Variants in ANXA11 observed in about 807,000 individuals in gnomAD.
ANXA11 encodes the protein 56 kDa autoantigen.
A neutral mutation model predicts 64.7 loss-of-function variants in ANXA11; 57 were observed. That is an observed-to-expected ratio of 0.88 (90% CI 0.71 to 1.10). The LOEUF is 1.10. Ranked by LOEUF, ANXA11 falls within the 50% of genes least tolerant of loss-of-function variation. ANXA11 has a pLI of 0.00. For synonymous variants in ANXA11, 260 were observed against 265.2 expected, an observed-to-expected ratio of 0.98 and a Z score of 0.19; for missense variants, 675 against 670.7, an observed-to-expected ratio of 1.01 and a Z score of -0.07.
At chr10:80,182,400 C>G (rs1016349720) in intron 1 of ANXA11, among the ~76,000 whole-genome samples, 1 of 152,118 alleles carries the variant, frequency 6.6e-6, no homozygotes, top group Non-Finnish European at 1.5e-5. Flanking sequence ...TATCCTTGTA[C>G]ACAAAGGTCA....
At chr10:80,168,512 CTTTG>C (rs923141984) in intron 5 of ANXA11, among the ~76,000 whole-genome samples, 8 of 152,060 alleles carry the variant, frequency 5.3e-5, no homozygotes, top group Non-Finnish European at 7.4e-5. Flanking sequence ...AGGTGACGCT[CTTTG>C]TTTGTCTTTT....
intron 9 of ANXA11, among the ~76,000 whole-genome samples, chr10:80,163,827 T>A (rs1845618553): frequency 1.3e-5 from 2 of 152,254 alleles, no homozygotes; most frequent in South Asian, 4.1e-4. Context: ...CCAAACCACA[T>A]CCAGGTTTTC....
At chr10:80,166,265 G>T in intron 7 of ANXA11, 68 bp from the exon 8 acceptor site, 2 of 956,026 alleles carry the variant, frequency 2.1e-6, no homozygotes, top group Non-Finnish European at 3.2e-6. Context: ...TCCACAGGAA[G>T]TGACTAATAA....
At chr10:80,168,259 G>A (rs1039361849) in intron 5 of ANXA11, among the ~76,000 whole-genome samples, 2 of 146,352 alleles carry the variant, frequency 1.4e-5, no homozygotes, top group African/African-American at 2.5e-5. Flanking sequence ...TGCCGGGGGG[G>A]GCGGGGGTGG....
intron 1 of ANXA11, chr10:80,181,202 G>A (rs190047841): frequency 6.6e-6 from 1 of 152,330 alleles, no homozygotes; most frequent in Non-Finnish European, 1.5e-5. Flanking sequence ...TATAATCCCA[G>A]CACTTTGGGA....
intron 5 of ANXA11, among the ~76,000 whole-genome samples, chr10:80,168,390 C>T (rs1014616010): frequency 7.2e-5 from 11 of 152,112 alleles, no homozygotes; most frequent in African/African-American, 2.7e-4. Flanking sequence ...GGAGTACTCG[C>T]CAGGGGTGTT....
chr10:80,194,301 C>T (rs1846895225), intron 1 of ANXA11, among the ~76,000 whole-genome samples: 1 of 152,162 alleles, frequency 6.6e-6, no homozygotes, highest in Non-Finnish European at 1.5e-5. Flanking sequence ...CACTAGGGTG[C>T]TACAAGTCCG....
At chr10:80,194,945 G>A (rs1017768293) in intron 1 of ANXA11, among the ~76,000 whole-genome samples, 12 of 152,212 alleles carry the variant, frequency 7.9e-5, no homozygotes, top group Admixed American at 1.3e-4. Flanking sequence ...GTGATCACAG[G>A]AGTAGAGGTT....
rs1455615741 is a variant in ANXA11 at position 80,161,985 on chromosome 10, G to T, written c.1130C>A (p.Ser377Tyr). 2 of 1,612,586 alleles carry T rather than the reference G, an allele frequency of 1.2e-6. No individual in the cohort carries two copies. The highest frequency in any genetic ancestry group is 1.7e-6 in the Non-Finnish European group (2 of 1,179,920). Residue 377 changes from serine to tyrosine, a missense_variant, in exon 12 of 16, where the codon TCC becomes TAC. Coordinates refer to ENST00000422982, the MANE Select transcript of ANXA11 (RefSeq NM_145868.2). The part of the protein sequence containing the change: ...AGENRLGTDE[S>Y]KFNAVLCSRS... ...GGAGCACAGAACCGCATTGAACTTG[G>T]ACTCGTCTGTTCCCAGGCGGTTCTC...
intron 8 of ANXA11, among the ~76,000 whole-genome samples, chr10:80,165,146 G>A (rs1845672827): frequency 6.6e-6 from 1 of 152,200 alleles, no homozygotes; most frequent in South Asian, 2.1e-4. Context: ...CTGCCTGATG[G>A]CCTCCTGACC....
chr10:80,172,917 G>C (rs1241542717), intron 2 of ANXA11, 48 bp from the exon 3 acceptor site: 5 of 1,572,702 alleles, frequency 3.2e-6, no homozygotes, highest in Non-Finnish European at 4.4e-6. Context: ...GAGAGCCCCT[G>C]CTGGCCCGTG....
intron 1 of ANXA11, among the ~76,000 whole-genome samples, chr10:80,192,795 AC>A (rs1185522928): frequency 6.6e-6 from 1 of 152,226 alleles, no homozygotes; most frequent in East Asian, 1.9e-4. Context: ...ATTATCCACT[AC>A]TGGATAGAGA....
intron 7 of ANXA11, chr10:80,166,400 G>T: frequency 1.8e-6 from 1 of 546,194 alleles, no homozygotes; most frequent in Non-Finnish European, 3.3e-6. Context: ...AGATGCCCAG[G>T]GGATCGGTGA....
chr10:80,166,582 C>A, intron 7 of ANXA11: 4 of 470,370 alleles, frequency 8.5e-6, no homozygotes, highest in Non-Finnish European at 1.1e-5. Context: ...ATCAGCTAAA[C>A]CCCCCAGGGT....
At position 80,162,015 on chromosome 10, in the gene ANXA11, G is replaced by A. The variant is rs747556311; in HGVS notation, c.1100C>T (p.Ala367Val). 2.2e-5 allele frequency: 36 copies of A among 1,611,040 alleles called. No homozygotes were observed. The East Asian group carries it at 7.6e-4, about 34-fold the overall frequency. Residue 367 changes from alanine to valine, a missense_variant, in exon 12 of 16, where the codon GCC (alanine) becomes GTC (valine). By Grantham distance (64) the Ala-to-Val change is moderately conservative (BLOSUM62 0). Coordinates refer to ENST00000422982, the MANE Select transcript of ANXA11 (RefSeq NM_145868.2). ...GTCTGTTCCCAGGCGGTTCTCCCCG[G>A]CCGCATACAGCTCCTGGAGAGAGAG... is the stretch of plus-strand genomic sequence containing the variant. ...AQRDAQELYA[A>V]GENRLGTDES...
At chr10:80,177,750 G>A (rs1051340230) in intron 1 of ANXA11, among the ~76,000 whole-genome samples, 3 of 152,152 alleles carry the variant, frequency 2.0e-5, no homozygotes, top group Admixed American at 6.5e-5. Flanking sequence ...ATGCCCAAGT[G>A]AGGGTTCTAG....
rs940194376 is a variant in ANXA11 at position 80,186,236 on chromosome 10, A to T, written c.-57-10081T>A. Reference sequence around the variant, plus strand: ...CTGTTTCTCCAAAACAAAATAAGAAAGAGAGGACCCTGGGCTATTTGATAA... The same window carrying T: ...CTGTTTCTCCAAAACAAAATAAGAATGAGAGGACCCTGGGCTATTTGATAA... On this transcript the variant is annotated intron_variant, in intron 1 of 15. Transcript: ENST00000422982. Among the ~76,000 whole-genome samples the T allele has an allele frequency of 3.9e-5, 6 of 151,964 alleles. No homozygotes were observed. In the East Asian group the frequency reaches 1.2e-3, roughly 29 times the overall value.
intron 10 of ANXA11, 38 bp downstream of exon 10, chr10:80,163,496 T>C (rs1195946048): frequency 1.9e-6 from 3 of 1,602,572 alleles, no homozygotes; most frequent in Non-Finnish European, 2.6e-6. Context: ...TTGACTTCCA[T>C]GGCTTGGGGG....
At chr10:80,173,044 T>C in intron 2 of ANXA11, 175 bp from the exon 3 acceptor site, 1 of 589,954 alleles carries the variant, frequency 1.7e-6, no homozygotes, top group Non-Finnish European at 3.0e-6. Flanking sequence ...TGCCTCCAGC[T>C]AGAAACAGTA....
Sources: allele counts gnomAD v4.1 joint callset (sites outside exome capture counted in the v4.1 genomes callset), GRCh38; gene constraint gnomAD v4.1.1; transcripts MANE v1.5; gene names NCBI Gene and HGNC (gene_info 2026-07-23, HGNC 2026-07-21).